The following NIPAL1 variants were observed in gnomAD, a reference collection of about 807,000 sequenced individuals.
NIPAL1 encodes the protein NIPA like domain containing 1.
In NIPAL1, 35 loss-of-function variants were observed where a neutral mutation model predicts 37.7. The observed-to-expected ratio is 0.93, with a 90% CI of 0.71 to 1.23. The LOEUF is 1.23. NIPAL1 is among the 50% of genes most tolerant of loss of function. The pLI, the probability that NIPAL1 is intolerant of heterozygous loss-of-function variation, is 0.00. For missense variants in NIPAL1, 412 were observed against 473.9 expected (o/e 0.87, Z 1.21); for synonymous variants, 162 against 183.0 (o/e 0.89, Z 0.93).
chr4:48,035,097 C>A, intron 5 of NIPAL1, 56 bp downstream of exon 5: 1 of 1,347,374 alleles, frequency 7.4e-7, no homozygotes, highest in Non-Finnish European at 1.1e-6. Flanking sequence ...CTCTCCTCAC[C>A]AAATAGTATC....
At chr4:48,024,283 T>C (rs543292965) in intron 1 of NIPAL1, among the ~76,000 whole-genome samples, 1 of 151,904 alleles carries the variant, frequency 6.6e-6, no homozygotes, top group Non-Finnish European at 1.5e-5. Flanking sequence ...ATTTCTTTTT[T>C]CTTTTTTTCT....
intron 1 of NIPAL1, among the ~76,000 whole-genome samples, chr4:48,024,108 G>A (rs545491271): frequency 1.7e-3 from 251 of 151,604 alleles, no homozygotes; most frequent in Non-Finnish European, 3.1e-3. Context: ...GAGTAGCTGG[G>A]ACTATAGGCA....
intron 4 of NIPAL1, 46 bp downstream of exon 4, chr4:48,033,129 C>A: frequency 8.4e-7 from 1 of 1,196,552 alleles, no homozygotes. Flanking sequence ...ATTTTAAGAC[C>A]AAGATAAACT....
At chr4:48,028,767 A>G (rs1483535056) in intron 2 of NIPAL1, among the ~76,000 whole-genome samples, 1 of 152,188 alleles carries the variant, frequency 6.6e-6, no homozygotes, top group Non-Finnish European at 1.5e-5. Context: ...GGATATGAAC[A>G]TACATTTTTC....
chr4:48,019,317 G>A (rs1298260412), intron 1 of NIPAL1, among the ~76,000 whole-genome samples: 1 of 152,120 alleles, frequency 6.6e-6, no homozygotes, highest in Non-Finnish European at 1.5e-5. Context: ...ACCCCACATT[G>A]GTTTTGACTT....
Position 48,039,867 on chromosome 4 carries a change from CAT to C in NIPAL1, c.*3696_*3697del, listed in dbSNP as rs1716041459. On this transcript the variant is annotated 3_prime_UTR_variant, in exon 6 of 6. Coordinates refer to ENST00000295461, the MANE Select transcript of NIPAL1 (RefSeq NM_207330.3). ...ACATTCATCTTTTCTCAATTTGTCA[CAT>C]TATCTCATTTTAAATAATGCAAGTG... The C allele has an allele frequency of 6.6e-6, 1 of 152,192 alleles. No homozygotes were observed. The highest frequency in any genetic ancestry group is 2.4e-5 in the African/African-American group (1 of 41,448). The allele number at this position is 152,192 out of a possible 1,614,324, so 9.4% of individuals were successfully genotyped here. A position where few individuals can be genotyped will look rare whatever the true frequency, so the allele number is the denominator to read the frequency against.
In NIPAL1 at chr4:48,025,069, A is replaced by C. The variant is rs1715655539; in HGVS notation, c.48A>C (p.Gly16=). The change falls in exon 2 of 6, where the codon GGA becomes GGC. Residue 16 remains glycine, a splice_region_variant and synonymous_variant. Transcript: ENST00000295461. ...RLPPGEPCRE[G]YVLSLVCPNS... ...ATTCTCTTCTTTCCTTTTTTCCAGGATATGTGCTGTCTCTGGTCTGTCCAA... is the reference window on the plus strand; with the variant it reads ...ATTCTCTTCTTTCCTTTTTTCCAGGCTATGTGCTGTCTCTGGTCTGTCCAA... The C allele has an allele frequency of 1.9e-6, 3 of 1,612,146 alleles. No individual in the cohort carries two copies. Among genetic ancestry groups the C allele is most frequent in the African/African-American group, 1.3e-5 (1 of 74,778 alleles).
In NIPAL1 at chr4:48,032,980, G is replaced by T. The variant is rs1331050366; in HGVS notation, c.371-13G>T. The T allele has an allele frequency of 1.9e-6, 3 of 1,599,342 alleles. No homozygotes were observed. The South Asian group carries it at 3.3e-5, about 18-fold the overall frequency. On this transcript the variant is annotated splice_polypyrimidine_tract_variant and intron_variant, in intron 3 of 5. Transcript: ENST00000295461. Reference sequence around the variant, plus strand: ...GCCCATTTTTTATATCAATATCTCTGCTTGCTTTCTAGTGGGAGCAGGAGA... The same window carrying T: ...GCCCATTTTTTATATCAATATCTCTTCTTGCTTTCTAGTGGGAGCAGGAGA...
chr4:48,022,052 A>G (rs1715583801), intron 1 of NIPAL1, among the ~76,000 whole-genome samples: 1 of 152,202 alleles, frequency 6.6e-6, no homozygotes, highest in South Asian at 2.1e-4. Flanking sequence ...ATGAAGCATA[A>G]TGAATGGAGT....
At chr4:48,016,972 A>G in intron 1 of NIPAL1, 87 bp downstream of exon 1, 2 of 1,126,050 alleles carry the variant, frequency 1.8e-6, no homozygotes, top group South Asian at 2.8e-5. Context: ...CGGAGACTGG[A>G]AAGGGGGGCT....
intron 1 of NIPAL1, among the ~76,000 whole-genome samples, chr4:48,017,397 C>A (rs1715450697): frequency 6.6e-6 from 1 of 152,156 alleles, no homozygotes; most frequent in Admixed American, 6.5e-5. Flanking sequence ...CGGGGGTGGG[C>A]GTTGGGCAAG....
Position 48,034,861 on chromosome 4 carries a change from A to G in NIPAL1, c.462-20A>G. 6.2e-7 allele frequency: 1 copy of G among 1,600,008 alleles called. No individual in the cohort carries two copies. Among genetic ancestry groups the G allele is most frequent in the Non-Finnish European group, 8.6e-7 (1 of 1,169,498 alleles). On this transcript the variant is annotated intron_variant, in intron 4 of 5. Coordinates refer to ENST00000295461, the MANE Select transcript of NIPAL1 (RefSeq NM_207330.3). ...AGGTAATTGAGCTATAGTGATTTTT[A>G]ATTTTTTCTCTCCCAACAGTGCAAT...
In NIPAL1 at chr4:48,035,646, T is replaced by C. The variant is rs777029979; in HGVS notation, c.707T>C (p.Ile236Thr). The C allele has an allele frequency of 3.1e-6, 5 of 1,613,848 alleles. No individual in the cohort carries two copies. In the East Asian group the frequency reaches 1.1e-4, roughly 36 times the overall value. ...GCTCCCAAGAAAGGACAGACCAATA[T>C]ATTGGTTTATATTTCAATCTGTTCC... ...IVAPKKGQTN[I>T]LVYISICSLI... The change falls in exon 6 of 6, where the codon ATA becomes ACA. Residue 236 changes from isoleucine (I) to threonine (T), a missense_variant. Coordinates refer to ENST00000295461, the MANE Select transcript of NIPAL1 (RefSeq NM_207330.3).
intron 1 of NIPAL1, among the ~76,000 whole-genome samples, chr4:48,019,625 T>C (rs1338235805): frequency 6.6e-6 from 1 of 152,162 alleles, no homozygotes; most frequent in Non-Finnish European, 1.5e-5. Flanking sequence ...AAGGAACTTA[T>C]TCTATGAAAG....
At chr4:48,033,788 T>C (rs908791571) in intron 4 of NIPAL1, among the ~76,000 whole-genome samples, 25 of 152,358 alleles carry the variant, frequency 1.6e-4, no homozygotes, top group Middle Eastern at 3.4e-3. Context: ...TCTTGTCTTT[T>C]TGTTTTCTAT....
Position 48,032,979 on chromosome 4 carries a change from T to A in NIPAL1, c.371-14T>A, listed in dbSNP as rs1008299735. 1 of 1,598,530 alleles carries A rather than the reference T, an allele frequency of 6.3e-7. No homozygotes were observed. Among genetic ancestry groups the A allele is most frequent in the Admixed American group, 1.7e-5 (1 of 59,718 alleles). On this transcript the variant is annotated splice_polypyrimidine_tract_variant and intron_variant, in intron 3 of 5. Transcript: ENST00000295461. ...AGCCCATTTTTTATATCAATATCTC[T>A]GCTTGCTTTCTAGTGGGAGCAGGAG...
intron 5 of NIPAL1, 55 bp from the exon 6 acceptor site, chr4:48,035,507 A>G: frequency 1.3e-6 from 2 of 1,515,582 alleles, no homozygotes; most frequent in Admixed American, 2.2e-5. Flanking sequence ...AGATTTCAGA[A>G]AGGTATAATC....
chr4:48,023,824 C>CCATTT (rs1206666722), intron 1 of NIPAL1, among the ~76,000 whole-genome samples: 1 of 151,988 alleles, frequency 6.6e-6, no homozygotes, highest in African/African-American at 2.4e-5. Flanking sequence ...TTATTAGATT[C>CCATTT]CATTTTCTTT....
chr4:48,023,975 CTTTTTTTT>C (rs11329586), intron 1 of NIPAL1, among the ~76,000 whole-genome samples: 6 of 107,774 alleles, frequency 5.6e-5, no homozygotes, highest in African/African-American at 1.6e-4. Flanking sequence ...CAGATTTCTT[CTTTTTTTT>C]TTTTTTTTTT....
Sources: allele counts gnomAD v4.1 joint callset (sites outside exome capture counted in the v4.1 genomes callset), GRCh38; gene constraint gnomAD v4.1.1; transcripts MANE v1.5; gene names NCBI Gene and HGNC (gene_info 2026-07-23, HGNC 2026-07-21).